Variants in ARHGAP1 observed in about 807,000 individuals in gnomAD.
The protein encoded by ARHGAP1 is Rho GTPase activating protein 1.
Under a neutral mutation model 52.2 loss-of-function variants are expected in ARHGAP1, and 23 were observed. The ratio of observed to expected loss-of-function variants is 0.44; its 90% CI spans 0.32 to 0.62. The LOEUF is 0.62. ARHGAP1 is among the 20% of genes least tolerant of loss of function. The pLI, the probability that ARHGAP1 is intolerant of heterozygous loss-of-function variation, is 0.05. For synonymous variants in ARHGAP1, 210 were observed against 228.4 expected, an observed-to-expected ratio of 0.92 and a Z score of 0.73; for missense variants, 480 against 560.9, an observed-to-expected ratio of 0.86 and a Z score of 1.46.
Position 46,680,732 on chromosome 11 carries a change from C to T in ARHGAP1, c.651G>A (p.Leu217=), listed in dbSNP as rs1336790972. ...PRQVLKYDDF[L]KSTQKSPATA... ...TCGCGGGGCTCTTCTGTGTGGATTT[C>T]AGGAAGTCGTCATATCTGTAGGAGT... The change falls in exon 8 of 13, where the codon CTG becomes CTA. Residue 217 remains leucine, a synonymous_variant. Transcript: ENST00000311956. This position sits in a 1 kb window ranked among gnomAD's most constrained non-coding sequence, Gnocchi z 5.9. 6.4e-7 allele frequency: 1 copy of T among 1,555,456 alleles called. No individual in the cohort carries two copies. The highest frequency in any genetic ancestry group is 8.7e-7 in the Non-Finnish European group (1 of 1,152,432).
At chr11:46,695,277 G>T (rs2064643627) in intron 3 of ARHGAP1, 1 of 355,116 alleles carries the variant, frequency 2.8e-6, no homozygotes, top group African/African-American at 2.1e-5. Context: ...AATTTCCCAG[G>T]AAGGACTGGC....
intron 4 of ARHGAP1, 23 bp downstream of exon 4, chr11:46,688,150 C>T: frequency 1.2e-6 from 2 of 1,607,110 alleles, no homozygotes; most frequent in Non-Finnish European, 1.7e-6. Flanking sequence ...AAAGCCCCAA[C>T]ACACTTCCCA....
chr11:46,688,288 TGG>T lies in ARHGAP1; in HGVS notation c.230-30_230-29del, dbSNP rs138562010. On this transcript the variant is annotated intron_variant, in intron 3 of 12. Coordinates refer to ENST00000311956, the MANE Select transcript of ARHGAP1 (RefSeq NM_004308.5). ...AGGTGTGGAGAAAGATGGAGCACAG[TGG>T]GTTGAAGGGGAACCAAAAGAAGTGG... is the stretch of plus-strand genomic sequence containing the variant. 1.7e-3 allele frequency: 2,776 copies of T among 1,601,818 alleles called. 39 individuals are homozygous for T. The African/African-American group carries it at 0.034, about 20-fold the overall frequency.
chr11:46,695,281 G>T, intron 3 of ARHGAP1: 1 of 357,124 alleles, frequency 2.8e-6, no homozygotes, highest in Non-Finnish European at 5.5e-6. Context: ...TCCCAGGAAG[G>T]ACTGGCACTC....
At position 46,680,109 on chromosome 11, in the gene ARHGAP1, G is replaced by T; in HGVS notation, c.898+96C>A. On this transcript the variant is annotated intron_variant, in intron 10 of 12. Transcript: ENST00000311956. This position sits in a 1 kb window ranked among gnomAD's most constrained non-coding sequence, Gnocchi z 5.9. ...GAGCCACGGAAACCTCCAGCAGGAA[G>T]AGACTCTGAGACTCTCATTTACAGG... 1 of 1,394,888 alleles carries T rather than the reference G, an allele frequency of 7.2e-7. No individual in the cohort carries two copies. The highest frequency in any genetic ancestry group is 1.2e-5 in the South Asian group (1 of 86,276). The allele number at this position is 1,394,888 out of a possible 1,614,324, so 86.4% of individuals were successfully genotyped here. A position where few individuals can be genotyped will look rare whatever the true frequency, so the allele number is the denominator to read the frequency against.
chr11:46,698,315 G>A (rs2064672928), intron 1 of ARHGAP1, among the ~76,000 whole-genome samples: 1 of 152,154 alleles, frequency 6.6e-6, no homozygotes, highest in Non-Finnish European at 1.5e-5. Flanking sequence ...AGAAGGAGCA[G>A]CCGGGGCCGG....
rs940116729 is a variant in ARHGAP1 at position 46,682,297 on chromosome 11, C to T, written c.318-115G>A. On this transcript the variant is annotated intron_variant, in intron 4 of 12. Coordinates refer to ENST00000311956, the MANE Select transcript of ARHGAP1 (RefSeq NM_004308.5). Reference sequence around the variant, plus strand: ...TCACAGCCCCTTCCCCACAGGCCCTCCCCTAGCACAGTCTGTTCTGGCTCA... The same window carrying T: ...TCACAGCCCCTTCCCCACAGGCCCTTCCCTAGCACAGTCTGTTCTGGCTCA... The T allele has an allele frequency of 2.2e-6, 3 of 1,387,210 alleles. No individual in the cohort carries two copies. The African/African-American group carries it at 4.3e-5, about 20-fold the overall frequency. 85.9% of individuals were successfully genotyped at this position (1,387,210 alleles called of 1,614,324 possible). A position where few individuals can be genotyped will look rare whatever the true frequency, so the allele number is the denominator to read the frequency against.
At chr11:46,684,544 C>T (rs1393518004) in intron 4 of ARHGAP1, among the ~76,000 whole-genome samples, 2 of 152,132 alleles carry the variant, frequency 1.3e-5, no homozygotes, top group African/African-American at 2.4e-5. Context: ...AAATCAACCA[C>T]GTGACAACCA....
intron 1 of ARHGAP1, among the ~76,000 whole-genome samples, chr11:46,699,930 G>A (rs976128000): frequency 2.6e-5 from 4 of 152,062 alleles, no homozygotes; most frequent in African/African-American, 9.7e-5. Flanking sequence ...CCAGCACTTT[G>A]GGAGGCGGGG....
intron 3 of ARHGAP1, chr11:46,695,200 G>C (rs1400873126): frequency 1.2e-5 from 4 of 343,606 alleles, no homozygotes; most frequent in African/African-American, 8.6e-5. Flanking sequence ...GGTGCTCCAG[G>C]GAGCCATGTG....
In ARHGAP1 at chr11:46,679,340, C is replaced by T. The variant is rs1246852764; in HGVS notation, c.1131+25G>A. 2.5e-6 allele frequency: 4 copies of T among 1,612,424 alleles called. No individual in the cohort carries two copies. The highest frequency in any genetic ancestry group is 1.7e-5 in the Admixed American group (1 of 59,980). On this transcript the variant is annotated intron_variant, in intron 12 of 12. Coordinates refer to ENST00000311956, the MANE Select transcript of ARHGAP1 (RefSeq NM_004308.5). This position sits in a 1 kb window ranked among gnomAD's most constrained non-coding sequence, Gnocchi z 4.4. ...GCTCCTCCTTCCCCCTCCCTTCACCCCAGAGGCCAAGTCCAAGGTCTCACC... is the reference window on the plus strand; with the variant it reads ...GCTCCTCCTTCCCCCTCCCTTCACCTCAGAGGCCAAGTCCAAGGTCTCACC...
In ARHGAP1 at chr11:46,679,139, C is replaced by T. The variant is rs754507862; in HGVS notation, c.1218G>A (p.Ala406=). 24 of 1,614,040 alleles carry T rather than the reference C, an allele frequency of 1.5e-5. No homozygotes were observed. The highest frequency in any genetic ancestry group is 1.6e-4 in the Middle Eastern group (1 of 6,062). Residue 406 remains alanine (A), a synonymous_variant, in exon 13 of 13, where the codon GCG becomes GCA. Coordinates refer to ENST00000311956, the MANE Select transcript of ARHGAP1 (RefSeq NM_004308.5). The surrounding 1 kb of genome is among the most constrained non-coding windows in gnomAD (Gnocchi z 4.4). ...GATTAATGGCCTTGAGGGTGATGGCCGCATCCTTGGCCCACAGCAGGTTAG... is the reference window on the plus strand; with the variant it reads ...GATTAATGGCCTTGAGGGTGATGGCTGCATCCTTGGCCCACAGCAGGTTAG... ...FGPNLLWAKD[A]AITLKAINPI...
At chr11:46,692,972 G>C (rs931913145) in intron 3 of ARHGAP1, among the ~76,000 whole-genome samples, 1 of 151,728 alleles carries the variant, frequency 6.6e-6, no homozygotes, top group African/African-American at 2.4e-5. Context: ...CCTGCCTCAG[G>C]CTCCTGAGTA....
At chr11:46,700,134 G>C (rs564357251) in intron 1 of ARHGAP1, among the ~76,000 whole-genome samples, 53 of 152,260 alleles carry the variant, frequency 3.5e-4, no homozygotes, top group African/African-American at 1.2e-3. Flanking sequence ...TCCAGCCTGG[G>C]CAATAAGAGT....
intron 3 of ARHGAP1, among the ~76,000 whole-genome samples, chr11:46,689,900 T>A (rs1333329881): frequency 6.6e-6 from 1 of 152,198 alleles, no homozygotes; most frequent in Non-Finnish European, 1.5e-5. Context: ...ATAGTCATCT[T>A]ATAAGTCTAC....
chr11:46,683,042 T>TC (rs931392974), intron 4 of ARHGAP1, among the ~76,000 whole-genome samples: 4 of 147,716 alleles, frequency 2.7e-5, no homozygotes, highest in Non-Finnish European at 4.5e-5. Context: ...GCCTGCTTTT[T>TC]TTTTTTTTTT....
rs146169162 is a variant in ARHGAP1 at position 46,682,155 on chromosome 11, G to A, written c.345C>T (p.Tyr115=). 13 of 1,614,028 alleles carry A rather than the reference G, an allele frequency of 8.1e-6. No homozygotes were observed. Among genetic ancestry groups the A allele is most frequent in the East Asian group, 2.2e-5 (1 of 44,890 alleles). The change falls in exon 5 of 13, where the codon TAC becomes TAT. Residue 115 remains tyrosine, a synonymous_variant. Transcript: ENST00000311956. ...LGYLKHTLDQ[Y]VESDYTLLYL... ...ACAGAAGTGTGTAGTCACTCTCCAC[G>A]TACTGGTCCAGGGTGTGCTTCAGGT...
At chr11:46,694,042 C>T (rs571365724) in intron 3 of ARHGAP1, among the ~76,000 whole-genome samples, 2 of 152,126 alleles carry the variant, frequency 1.3e-5, no homozygotes, top group Non-Finnish European at 2.9e-5. Context: ...AGGGCTTCTC[C>T]CGGACATCTC....
At chr11:46,688,000 C>T (rs2064584302) in intron 4 of ARHGAP1, 173 bp downstream of exon 4, 1 of 598,076 alleles carries the variant, frequency 1.7e-6, no homozygotes, top group African/African-American at 1.9e-5. Flanking sequence ...CTAGGTCTGA[C>T]TCCTCGTCCA....
Sources: gnomAD v4.1 joint callset for allele counts (sites outside exome capture counted in the v4.1 genomes callset) on GRCh38, gnomAD v4.1.1 for gene constraint, Gnocchi (gnomAD v3.1) non-coding constraint, MANE v1.5 for transcripts, NCBI Gene and HGNC (gene_info 2026-07-23, HGNC 2026-07-21) for gene names.